Variants in ZNF75A observed in about 807,000 individuals in gnomAD.
ZNF75A encodes the protein zinc finger protein 75A.
In ZNF75A, 36 loss-of-function variants were observed where a neutral mutation model predicts 46.3. That is an observed-to-expected ratio of 0.78 (90% CI 0.60 to 1.03). The LOEUF is 1.03. Among genes scored for constraint, ZNF75A ranks in the 50% least tolerant of loss-of-function variants. ZNF75A has a pLI of 0.00. For missense variants in ZNF75A, 595 were observed against 551.3 expected (o/e 1.08, Z -0.79); for synonymous variants, 234 against 189.9 (o/e 1.23, Z -1.91).
chr16:3,317,922 G>T lies in ZNF75A; in HGVS notation c.*53G>T. 1.3e-6 allele frequency: 2 copies of T among 1,505,878 alleles called. No homozygotes were observed. The highest frequency in any genetic ancestry group is 1.4e-5 in the South Asian group (1 of 74,032). The allele number at this position is 1,505,878 out of a possible 1,614,324, so 93.3% of individuals were successfully genotyped here. ...TGAAGACATTCACCAAATGGAGCTT[G>T]GCACTAAAATTTATGTAAAAGAAAA... On this transcript the variant is annotated 3_prime_UTR_variant, in exon 7 of 7. Transcript: ENST00000669516.
At chr16:3,320,797 G>A (rs1298754900), downstream of ZNF75A, among the ~76,000 whole-genome samples, 1 of 152,226 alleles carries the variant, frequency 6.6e-6, no homozygotes, top group Non-Finnish European at 1.5e-5. Context: ...TCTTCAGTGA[G>A]TTGTGCCTCA....
chr16:3,315,053 C>G (rs560355441), intron 5 of ZNF75A: 1 of 985,288 alleles, frequency 1.0e-6, no homozygotes, highest in East Asian at 1.1e-4. Flanking sequence ...GATGTACGTG[C>G]TCATTCCTTG....
chr16:3,312,397 T>G (rs546612895), intron 3 of ZNF75A: 1 of 152,376 alleles, frequency 6.6e-6, no homozygotes, highest in East Asian at 1.9e-4. Context: ...CATTTTAAGA[T>G]ATCTTTAATT....
chr16:3,308,384 A>G lies in ZNF75A; in HGVS notation c.-45A>G, dbSNP rs45541431. ...CAGGATCTCATTTGTTAAACGTGGT[A>G]CCAATTGGGTGTCTTAACACAGGAG... On this transcript the variant is annotated 5_prime_UTR_variant, in exon 2 of 7. Transcript: ENST00000669516. 24,382 of 902,404 alleles carry G rather than the reference A, an allele frequency of 0.027. 366 individuals are homozygous for G. Among genetic ancestry groups the G allele is most frequent in the Non-Finnish European group, 0.03 (22,868 of 754,164 alleles). 55.9% of individuals were successfully genotyped at this position (902,404 alleles called of 1,614,324 possible). A position where few individuals can be genotyped will look rare whatever the true frequency, so the allele number is the denominator to read the frequency against.
At chr16:3,317,072 C>T (rs1961267936) in intron 6 of ZNF75A, 50 bp downstream of exon 6, 5 of 1,557,920 alleles carry the variant, frequency 3.2e-6, no homozygotes, top group East Asian at 4.5e-5. Context: ...TGAACTTTTG[C>T]AAGGGCTTAA....
intron 5 of ZNF75A, 62 bp downstream of exon 5, chr16:3,313,237 A>T: frequency 1.3e-6 from 2 of 1,561,268 alleles, no homozygotes; most frequent in Non-Finnish European, 1.7e-6. Flanking sequence ...CTGAGAAGGA[A>T]CCCCAGTGAG....
intron 2 of ZNF75A, 167 bp from the exon 3 acceptor site, chr16:3,311,586 A>G (rs1960801124): frequency 1.2e-5 from 2 of 165,022 alleles, no homozygotes; most frequent in Non-Finnish European, 2.5e-5. Context: ...ATTTGTGTAT[A>G]GTCATTTGTG....
intron 2 of ZNF75A, among the ~76,000 whole-genome samples, chr16:3,311,196 G>C (rs1039378434): frequency 1.3e-5 from 2 of 150,912 alleles, no homozygotes; most frequent in African/African-American, 5.0e-5. Flanking sequence ...CCAGCACTTT[G>C]GGAGGCTGAG....
chr16:3,307,055 A>G (rs1364901165), intron 1 of ZNF75A: 3 of 151,636 alleles, frequency 2.0e-5, no homozygotes, highest in Non-Finnish European at 4.4e-5. Flanking sequence ...GGGTTCAAAC[A>G]ATTTTCCTGC....
rs530953937 is a variant in ZNF75A, at chr16:3,318,040, T to A, written c.*171T>A. 7.1e-7 allele frequency: 1 copy of A among 1,401,392 alleles called. No homozygotes were observed. The highest frequency in any genetic ancestry group is 1.7e-5 in the South Asian group (1 of 58,330). The allele number at this position is 1,401,392 out of a possible 1,614,324, so 86.8% of individuals were successfully genotyped here. ...GACTTGCTCTGCAGCCACTCAGTAG[T>A]CTTCTGTGGTCACAGAAGTAAACAT... On this transcript the variant is annotated 3_prime_UTR_variant, in exon 7 of 7. Transcript: ENST00000669516.
intron 2 of ZNF75A, 57 bp from the exon 3 acceptor site, chr16:3,311,696 C>G: frequency 1.0e-6 from 1 of 964,020 alleles, no homozygotes; most frequent in Non-Finnish European, 1.2e-6. Context: ...CGCTCTGCCT[C>G]CACCCCCACA....
chr16:3,320,872 A>C (rs1488386026), downstream of ZNF75A, among the ~76,000 whole-genome samples: 2 of 152,180 alleles, frequency 1.3e-5, no homozygotes, highest in African/African-American at 4.8e-5. Context: ...TAAGGTGGCT[A>C]TCTTCCTGGA....
rs759740609 is a variant in ZNF75A at position 3,308,341 on chromosome 16, C to A, written c.-88C>A. On this transcript the variant is annotated 5_prime_UTR_variant, in exon 2 of 7. Transcript: ENST00000669516. Reference sequence around the variant, plus strand: ...TTTTAGGAAGAAGATCCTTTTATTGCTTTTGTACAAGACCAGACAGGATCT... The same window carrying A: ...TTTTAGGAAGAAGATCCTTTTATTGATTTTGTACAAGACCAGACAGGATCT... 3.3e-6 allele frequency: 3 copies of A among 914,370 alleles called. No individual in the cohort carries two copies. Among genetic ancestry groups the A allele is most frequent in the Non-Finnish European group, 3.9e-6 (3 of 764,918 alleles). 56.6% of individuals were successfully genotyped at this position (914,370 alleles called of 1,614,324 possible).
At chr16:3,309,692 G>A (rs371594029) in intron 2 of ZNF75A, among the ~76,000 whole-genome samples, 2 of 150,760 alleles carry the variant, frequency 1.3e-5, no homozygotes, top group South Asian at 4.2e-4. Flanking sequence ...GGAGGTGGAG[G>A]TTGCAGTGAG....
In ZNF75A at chr16:3,317,810, T is replaced by C. The variant is rs1459707981; in HGVS notation, c.1555T>C (p.Cys519Arg). 3.7e-6 allele frequency: 6 copies of C among 1,613,862 alleles called. No individual in the cohort carries two copies. The highest frequency in any genetic ancestry group is 5.1e-6 in the Non-Finnish European group (6 of 1,179,820). ...TGEQPYTCSICRRNFSRRSSL... is the reference protein window; with the variant it reads ...TGEQPYTCSIRRRNFSRRSSL... The stretch of plus-strand genomic sequence containing the variant: ...TGAGCAGCCATATACTTGTAGCATA[T>C]GCAGGAGAAACTTCAGCAGGCGGTC... Residue 519 changes from cysteine to arginine, a missense_variant, in exon 7 of 7, where the codon TGC (cysteine) becomes CGC (arginine). Transcript: ENST00000669516.
intron 2 of ZNF75A, among the ~76,000 whole-genome samples, chr16:3,309,855 C>A (rs1002727260): frequency 6.6e-6 from 1 of 150,562 alleles, no homozygotes; most frequent in Non-Finnish European, 1.5e-5. Context: ...GCCTATATTT[C>A]GAACACTTTA....
At chr16:3,313,892 C>T (rs752965714) in intron 5 of ZNF75A, among the ~76,000 whole-genome samples, 6 of 152,166 alleles carry the variant, frequency 3.9e-5, no homozygotes, top group Non-Finnish European at 8.8e-5. Context: ...CAGTCCTCAC[C>T]AGCCACTTAG....
chr16:3,316,765 G>T (rs903769762), intron 5 of ZNF75A, 147 bp from the exon 6 acceptor site: 1 of 596,566 alleles, frequency 1.7e-6, no homozygotes, highest in East Asian at 2.8e-5. Context: ...TAGTATAAAC[G>T]TGATACTTAA....
At chr16:3,314,621 G>A (rs879103522) in intron 5 of ZNF75A, 15 of 971,642 alleles carry the variant, frequency 1.5e-5, no homozygotes, top group East Asian at 1.1e-4. Context: ...GTGGGCCCCC[G>A]CCTTTTTTTT....
Sources: allele counts gnomAD v4.1 joint callset (sites outside exome capture counted in the v4.1 genomes callset), GRCh38; gene constraint gnomAD v4.1.1; transcripts MANE v1.5; gene names NCBI Gene and HGNC (gene_info 2026-07-23, HGNC 2026-07-21).